Variants in AKIP1 observed in about 807,000 individuals in gnomAD.
The protein encoded by AKIP1 is A-kinase-interacting protein 1.
AKIP1 carries 18 observed loss-of-function variants against 22.3 expected under a neutral mutation model. The observed-to-expected ratio is 0.81, with a 90% CI of 0.56 to 1.19. The LOEUF (loss-of-function observed/expected upper bound fraction) is 1.19, where lower values mean the gene tolerates loss of function less well. AKIP1 is among the 50% of genes most tolerant of loss of function. The pLI is 0.00. For synonymous variants in AKIP1, 120 were observed against 102.7 expected, an observed-to-expected ratio of 1.17 and a Z score of -1.02; for missense variants, 287 against 264.6, an observed-to-expected ratio of 1.08 and a Z score of -0.59.
intron 5 of AKIP1, among the ~76,000 whole-genome samples, chr11:8,918,454 G>A (rs2064521192): frequency 6.6e-6 from 1 of 152,184 alleles, no homozygotes; most frequent in Non-Finnish European, 1.5e-5. Flanking sequence ...TTATTCCTCT[G>A]AGTGCAATTT....
At chr11:8,912,332 T>A in intron 2 of AKIP1, 121 bp from the exon 3 acceptor site, 1 of 746,146 alleles carries the variant, frequency 1.3e-6, no homozygotes, top group Non-Finnish European at 2.4e-6. Flanking sequence ...ATAACATCGT[T>A]CTTTCTGACA....
At position 8,917,367 on chromosome 11, in the gene AKIP1, T is replaced by G; in HGVS notation, c.489T>G (p.Pro163=). 6.2e-7 allele frequency: 1 copy of G among 1,612,976 alleles called. No homozygotes were observed. The highest frequency in any genetic ancestry group is 8.5e-7 in the Non-Finnish European group (1 of 1,179,266). The change falls in exon 5 of 6, where the codon CCT becomes CCG. Residue 163 remains proline, a splice_region_variant and synonymous_variant. Transcript: ENST00000309377. ...ISEHAPEASQ[P]AENISKDLYI... ...AGCATGCTCCAGAGGCATCCCAGCC[T>G]GTGAGTACGGAACTGCTTACGCACT... is the stretch of plus-strand genomic sequence containing the variant.
chr11:8,914,034 A>G (rs925905098), intron 3 of AKIP1, among the ~76,000 whole-genome samples: 7 of 152,352 alleles, frequency 4.6e-5, no homozygotes, highest in Middle Eastern at 3.4e-3. Flanking sequence ...TAGAATTAAG[A>G]ATTGTGTACT....
At chr11:8,916,252 G>T (rs1327669202) in intron 4 of AKIP1, among the ~76,000 whole-genome samples, 1 of 151,846 alleles carries the variant, frequency 6.6e-6, no homozygotes, top group African/African-American at 2.4e-5. Flanking sequence ...CACCATGCCT[G>T]GCCCCTGTCT....
Position 8,917,311 on chromosome 11 carries a change from C to A in AKIP1, c.433C>A (p.Leu145Ile), listed in dbSNP as rs776585511. The stretch of plus-strand genomic sequence containing the variant: ...GAGAAAAGACAGAAAAAAGACATCC[C>A]TTGGTCCTGGAGGCAGCTATCAAAT... Reference protein sequence around the residue: ...GQRKDRKKTSLGPGGSYQISE... With the variant: ...GQRKDRKKTSIGPGGSYQISE... Residue 145 changes from leucine (L) to isoleucine (I), a missense_variant, in exon 5 of 6, where the codon CTT (leucine) becomes ATT (isoleucine). By Grantham distance (5) the Leu-to-Ile change is conservative. Coordinates refer to ENST00000309377, the MANE Select transcript of AKIP1 (RefSeq NM_020642.4). 1.2e-5 allele frequency: 19 copies of A among 1,610,654 alleles called. No individual in the cohort carries two copies. The South Asian group carries it at 1.9e-4, about 16-fold the overall frequency.
chr11:8,911,418 C>G (rs1566101036), intron 1 of AKIP1, 26 bp from the exon 2 acceptor site: 3 of 1,543,372 alleles, frequency 1.9e-6, no homozygotes, highest in East Asian at 2.4e-5. Context: ...GACCCGCCGG[C>G]GTTTGTACGT....
chr11:8,917,110 A>C (rs1175043921), intron 4 of AKIP1, among the ~76,000 whole-genome samples, 177 bp from the exon 5 acceptor site: 2 of 152,222 alleles, frequency 1.3e-5, no homozygotes, highest in Non-Finnish European at 2.9e-5. Context: ...ATTATAGTAA[A>C]TACCTGACTA....
rs568263859 is a variant in AKIP1 at position 8,917,059 on chromosome 11, A to G, written c.409-228A>G. 3.9e-5 allele frequency among the ~76,000 whole-genome samples: 6 copies of G among 152,318 alleles called. No homozygotes were observed. The East Asian group carries it at 9.6e-4, about 24-fold the overall frequency. On this transcript the variant is annotated intron_variant, in intron 4 of 5. Transcript: ENST00000309377. ...AGTAAATAGCAGAGATAGGACTTAA[A>G]CTCAGGCGTGGCTGATTCCAAAGCC...
At chr11:8,912,685 G>C (rs899643504) in intron 3 of AKIP1, 152 bp downstream of exon 3, 2 of 690,334 alleles carry the variant, frequency 2.9e-6, no homozygotes, top group Non-Finnish European at 5.1e-6. Context: ...TAAACCAGGG[G>C]GTAAATCCAA....
intron 4 of AKIP1, among the ~76,000 whole-genome samples, chr11:8,916,734 C>G (rs1429277564): frequency 1.3e-4 from 20 of 152,158 alleles, no homozygotes; most frequent in Admixed American, 1.3e-3. Flanking sequence ...TCCTGAGCCC[C>G]CTTTTCTGGC....
intron 5 of AKIP1, chr11:8,917,597 G>A (rs550821065): frequency 1.9e-4 from 104 of 541,860 alleles, no homozygotes; most frequent in African/African-American, 1.7e-3. Flanking sequence ...TGAACTCATA[G>A]TTGTGGTTGG....
chr11:8,916,706 G>GT (rs2134813910), intron 4 of AKIP1, among the ~76,000 whole-genome samples: 1 of 152,320 alleles, frequency 6.6e-6, no homozygotes, highest in South Asian at 2.1e-4. Flanking sequence ...GAGGTGAGTA[G>GT]TGGTGCCAGA....
chr11:8,913,719 A>T (rs1432592477), intron 3 of AKIP1, among the ~76,000 whole-genome samples: 1 of 152,010 alleles, frequency 6.6e-6, no homozygotes, highest in Non-Finnish European at 1.5e-5. Context: ...ATCTCAAAAA[A>T]CTCTAATCTT....
intron 3 of AKIP1, 48 bp downstream of exon 3, chr11:8,912,581 CA>C (rs1421354103): frequency 6.6e-7 from 1 of 1,506,414 alleles, no homozygotes; most frequent in African/African-American, 1.4e-5. Flanking sequence ...GCTGATGGAC[CA>C]CATTTGGATC....
intron 1 of AKIP1, 57 bp downstream of exon 1, chr11:8,911,280 G>A (rs979770501): frequency 1.6e-6 from 1 of 622,470 alleles, no homozygotes; most frequent in East Asian, 2.8e-5. Flanking sequence ...GGGCGGGCGC[G>A]CTAGGCCTAG....
chr11:8,916,807 A>G (rs2064492863), intron 4 of AKIP1, among the ~76,000 whole-genome samples: 1 of 152,136 alleles, frequency 6.6e-6, no homozygotes, highest in Non-Finnish European at 1.5e-5. Flanking sequence ...ACATGTGGGG[A>G]AGAGTCGTTC....
intron 3 of AKIP1, among the ~76,000 whole-genome samples, chr11:8,912,810 G>GA (rs1408028644): frequency 2.7e-5 from 4 of 150,926 alleles, no homozygotes; most frequent in African/African-American, 9.8e-5. Flanking sequence ...CTAGTGGGGG[G>GA]AAAATAGCTT....
At chr11:8,914,328 G>T (rs2064444786) in intron 3 of AKIP1, among the ~76,000 whole-genome samples, 1 of 152,180 alleles carries the variant, frequency 6.6e-6, no homozygotes, top group African/African-American at 2.4e-5. Context: ...TCCCCCACGC[G>T]CAGGAAGCAC....
At chr11:8,915,193 G>A (rs1236790503) in intron 4 of AKIP1, among the ~76,000 whole-genome samples, 8 of 152,018 alleles carry the variant, frequency 5.3e-5, no homozygotes. Flanking sequence ...TTCTCCAGCA[G>A]GTTTAAAGAA....
Sources: gnomAD v4.1 joint callset for allele counts (sites outside exome capture counted in the v4.1 genomes callset) on GRCh38, gnomAD v4.1.1 for gene constraint, MANE v1.5 for transcripts, NCBI Gene and HGNC (gene_info 2026-07-23, HGNC 2026-07-21) for gene names.